SHROOM3: variants seen among roughly 807,000 people sequenced by gnomAD.
SHROOM3 encodes the protein protein Shroom3.
Under a neutral mutation model 138.6 loss-of-function variants are expected in SHROOM3, and 47 were observed. The observed-to-expected ratio is 0.34, with a 90% CI of 0.27 to 0.43. SHROOM3 has a LOEUF of 0.43. Among genes scored for constraint, SHROOM3 ranks in the 20% least tolerant of loss-of-function variants. The pLI is 1.00. For missense variants in SHROOM3, 2,491 were observed against 2,596.5 expected (o/e 0.96, Z 0.88); for synonymous variants, 1,062 against 1,063.3 (o/e 1.00, Z 0.02).
intron 1 of SHROOM3, among the ~76,000 whole-genome samples, chr4:76,507,848 GT>G (rs1732245937): frequency 6.6e-6 from 1 of 151,838 alleles, no homozygotes; most frequent in Non-Finnish European, 1.5e-5. Flanking sequence ...CTGGCCGGTC[GT>G]TTGTATATCT....
intron 9 of SHROOM3, among the ~76,000 whole-genome samples, chr4:76,761,245 C>T (rs1721980352): frequency 1.3e-5 from 2 of 152,082 alleles, no homozygotes; most frequent in Admixed American, 1.3e-4. Context: ...CATGTGTACC[C>T]AATTAACTGT....
intron 2 of SHROOM3, among the ~76,000 whole-genome samples, chr4:76,650,087 G>A (rs1033358316): frequency 6.6e-6 from 1 of 152,112 alleles, no homozygotes; most frequent in African/African-American, 2.4e-5. Context: ...GCTCTCCAAT[G>A]TCTCTACTTA....
chr4:76,527,143 T>C (rs1416024460), intron 1 of SHROOM3, among the ~76,000 whole-genome samples: 1 of 152,174 alleles, frequency 6.6e-6, no homozygotes, highest in Non-Finnish European at 1.5e-5. Context: ...AGATCCATTA[T>C]GTAGAGGTCA....
chr4:76,661,911 A>G (rs936668346), intron 2 of SHROOM3, among the ~76,000 whole-genome samples: 1 of 152,142 alleles, frequency 6.6e-6, no homozygotes, highest in Non-Finnish European at 1.5e-5. Flanking sequence ...GTAAAATGCT[A>G]CCTCATAAGG....
chr4:76,649,016 G>T (rs1037110085), intron 2 of SHROOM3, among the ~76,000 whole-genome samples: 3 of 152,034 alleles, frequency 2.0e-5, no homozygotes, highest in Non-Finnish European at 4.4e-5. Flanking sequence ...TTAAATAAAG[G>T]CCACTAATTA....
At position 76,739,826 on chromosome 4, in the gene SHROOM3, G is replaced by C. The variant is rs764013459; in HGVS notation, c.1653G>C (p.Lys551Asn). ...AGAAGAAACCAGAAGCTACAGCCAA[G>C]TATGTCCCCTCCAAAGTCCATTTCT... ...PVEKKPEATA[K>N]YVPSKVHFCS... is the part of the protein sequence containing the mutation. Residue 551 changes from lysine (K) to asparagine (N), a missense_variant, in exon 5 of 11, where the codon AAG (lysine) becomes AAC (asparagine). By Grantham distance (94) the Lys-to-Asn change is moderately conservative. This residue lies in a region of SHROOM3 where 1,733 missense variants were observed against 1,661.6 expected (regional missense o/e 1.04). Transcript: ENST00000296043. The C allele has an allele frequency of 6.2e-7, 1 of 1,614,210 alleles. No individual in the cohort carries two copies.
At chr4:76,449,624 A>G (rs1356894776) in intron 1 of SHROOM3, among the ~76,000 whole-genome samples, 1 of 152,168 alleles carries the variant, frequency 6.6e-6, no homozygotes, top group Non-Finnish European at 1.5e-5. Context: ...TTTTTGCTTG[A>G]GTTCACTGAA....
At chr4:76,440,517 A>T (rs1579154525) in intron 1 of SHROOM3, among the ~76,000 whole-genome samples, 1 of 152,360 alleles carries the variant, frequency 6.6e-6, no homozygotes, top group Middle Eastern at 3.4e-3. Flanking sequence ...TAAAAAATAC[A>T]TAGTCCAATA....
chr4:76,538,129 C>T (rs575503026), intron 1 of SHROOM3, among the ~76,000 whole-genome samples: 3 of 152,276 alleles, frequency 2.0e-5, no homozygotes, highest in East Asian at 1.9e-4. Flanking sequence ...GAACTCTTGA[C>T]CTCAGGTGAT....
At chr4:76,736,515 C>T (rs1721076780) in intron 4 of SHROOM3, among the ~76,000 whole-genome samples, 1 of 152,088 alleles carries the variant, frequency 6.6e-6, no homozygotes, top group Non-Finnish European at 1.5e-5. Context: ...GGAGATATTC[C>T]AGCCATAAAG....
rs142329345 is a variant in SHROOM3 at position 76,606,995 on chromosome 4, CTG to C, written c.323+51248_323+51249del. On this transcript the variant is annotated intron_variant, in intron 2 of 10. Transcript: ENST00000296043. The stretch of plus-strand genomic sequence containing the variant: ...TCAAAAATGGCAGTGTGTTCAAAAA[CTG>C]TGTGTGTGTGTGTGTCATATTTATA... 2.5e-4 allele frequency among the ~76,000 whole-genome samples: 38 copies of C among 151,056 alleles called. No homozygotes were observed. The East Asian group carries it at 2.7e-3, about 11-fold the overall frequency.
chr4:76,488,814 A>G (rs1731789663), intron 1 of SHROOM3, among the ~76,000 whole-genome samples: 1 of 152,238 alleles, frequency 6.6e-6, no homozygotes, highest in South Asian at 2.1e-4. Context: ...CGTTACATGT[A>G]CTAACTCATG....
At chr4:76,448,804 A>G (rs1730865198) in intron 1 of SHROOM3, among the ~76,000 whole-genome samples, 1 of 152,230 alleles carries the variant, frequency 6.6e-6, no homozygotes. Flanking sequence ...AGGGATAGCC[A>G]GACCCTAAAG....
intron 1 of SHROOM3, among the ~76,000 whole-genome samples, chr4:76,467,216 T>A (rs6852973): frequency 0.02 from 3,114 of 152,002 alleles, 90 homozygotes; most frequent in African/African-American, 0.063. Context: ...CTAATTTTTT[T>A]AAAAATTTTT....
intron 1 of SHROOM3, among the ~76,000 whole-genome samples, chr4:76,497,612 C>A (rs1731996637): frequency 6.6e-6 from 1 of 152,178 alleles, no homozygotes; most frequent in South Asian, 2.1e-4. Context: ...AATCCCAGCA[C>A]TTTGGGAGGC....
At chr4:76,500,500 A>G (rs1732067427) in intron 1 of SHROOM3, among the ~76,000 whole-genome samples, 1 of 152,156 alleles carries the variant, frequency 6.6e-6, no homozygotes, top group African/African-American at 2.4e-5. Flanking sequence ...GGGTTATAGG[A>G]TAATCTGTTC....
chr4:76,466,348 C>G (rs1731249101), intron 1 of SHROOM3, among the ~76,000 whole-genome samples: 2 of 152,204 alleles, frequency 1.3e-5, no homozygotes, highest in African/African-American at 4.8e-5. Context: ...CCCACAGAAT[C>G]TGCTCCTCCA....
intron 2 of SHROOM3, among the ~76,000 whole-genome samples, chr4:76,558,304 C>T (rs1459577507): frequency 6.6e-6 from 1 of 152,202 alleles, no homozygotes; most frequent in Non-Finnish European, 1.5e-5. Context: ...TTTGGGCTCT[C>T]TAAGCCCCAG....
chr4:76,750,379 GAAGGCCATTATCC>G (rs1381730838), intron 6 of SHROOM3, among the ~76,000 whole-genome samples: 22 of 152,288 alleles, frequency 1.4e-4, no homozygotes, highest in African/African-American at 5.3e-4. Context: ...GGATGGAGCT[GAAGGCCATTATCC>G]TAAGCAAATG....
Sources: gnomAD v4.1 joint callset for allele counts (sites outside exome capture counted in the v4.1 genomes callset) on GRCh38, gnomAD v4.1.1 for gene constraint, gnomAD v4.1.1 regional missense constraint, MANE v1.5 for transcripts, NCBI Gene and HGNC (gene_info 2026-07-23, HGNC 2026-07-21) for gene names.